TAF1A: variants seen among roughly 807,000 people sequenced by gnomAD.
TAF1A encodes TATA-box binding protein associated factor, RNA polymerase I subunit A, also known as TATA box-binding protein-associated factor RNA polymerase I subunit A.
Under a neutral mutation model 61.6 loss-of-function variants are expected in TAF1A, and 42 were observed. That is an observed-to-expected ratio of 0.68 (90% CI 0.53 to 0.88). TAF1A has a LOEUF of 0.88. TAF1A is among the 40% of genes least tolerant of loss of function. The pLI is 0.00. For synonymous variants in TAF1A, 179 were observed against 177.7 expected (o/e 1.01, Z -0.06); for missense variants, 424 against 518.7 (o/e 0.82, Z 1.77).
chr1:222,566,403 T>G (rs2102644705), intron 7 of TAF1A, among the ~76,000 whole-genome samples: 1 of 152,348 alleles, frequency 6.6e-6, no homozygotes, highest in East Asian at 1.9e-4. Context: ...GCATTATTTA[T>G]GCACTTTACA....
chr1:222,569,089 G>T, intron 7 of TAF1A: 1 of 263,470 alleles, frequency 3.8e-6, no homozygotes, highest in Non-Finnish European at 6.8e-6. Flanking sequence ...TGTGGGGACA[G>T]ACAGGCTGCA....
chr1:222,578,784 A>G (rs890064988), intron 4 of TAF1A, among the ~76,000 whole-genome samples: 2 of 152,146 alleles, frequency 1.3e-5, no homozygotes, highest in Non-Finnish European at 2.9e-5. Context: ...ATCTTCCTCT[A>G]CTATAAGAAC....
At chr1:222,569,754 G>T in intron 6 of TAF1A, 86 bp from the exon 7 acceptor site, 1 of 1,250,078 alleles carries the variant, frequency 8.0e-7, no homozygotes. Flanking sequence ...TTACTGATGG[G>T]TATTTTTTAA....
chr1:222,584,370 A>T lies in TAF1A; in HGVS notation c.122-73T>A. ...CAACTATTCAAAAAACTTACTTCTG[A>T]TAAGAAGTTTTAACAAGTAAACAGT... On this transcript the variant is annotated intron_variant, in intron 2 of 10. Transcript: ENST00000352967. 8 of 1,442,958 alleles carry T rather than the reference A, an allele frequency of 5.5e-6. 1 individual carries two copies. The South Asian group carries it at 1.1e-4, about 20-fold the overall frequency. The allele number at this position is 1,442,958 out of a possible 1,614,324, so 89.4% of individuals were successfully genotyped here.
chr1:222,579,356 T>C (rs775914149), intron 4 of TAF1A, among the ~76,000 whole-genome samples: 1 of 152,192 alleles, frequency 6.6e-6, no homozygotes, highest in Non-Finnish European at 1.5e-5. Flanking sequence ...GAGGTGAAGA[T>C]TCCACCTAAA....
chr1:222,571,607 T>C (rs1660354821), intron 5 of TAF1A, among the ~76,000 whole-genome samples: 1 of 151,628 alleles, frequency 6.6e-6, no homozygotes, highest in African/African-American at 2.4e-5. Flanking sequence ...GAAGATAAAA[T>C]TAGGAAAACA....
chr1:222,568,011 T>C (rs978351647), intron 7 of TAF1A, among the ~76,000 whole-genome samples: 2 of 152,106 alleles, frequency 1.3e-5, no homozygotes. Flanking sequence ...TACAGCCTAC[T>C]GGTTTTCAAC....
rs201206802 is a variant in TAF1A at position 222,564,110 on chromosome 1, C to T, written c.910G>A (p.Val304Ile). ...TCCAACATCAATTTATGAGATGGTA[C>T]AATCTGATACAAAATCTGAAAGAAA... ...ISVLKILYQIVPSHKLMLEFH... is the reference protein window; with the variant it reads ...ISVLKILYQIIPSHKLMLEFH... Residue 304 changes from valine to isoleucine, a missense_variant, in exon 8 of 11, where the codon GTA becomes ATA. Coordinates refer to ENST00000352967, the MANE Select transcript of TAF1A (RefSeq NM_005681.4). The T allele has an allele frequency of 6.3e-5, 98 of 1,552,166 alleles. No individual in the cohort carries two copies. The highest frequency in any genetic ancestry group is 1.7e-4 in the Middle Eastern group (1 of 5,898).
chr1:222,557,680 C>T (rs985099175), downstream of TAF1A, among the ~76,000 whole-genome samples: 7 of 151,830 alleles, frequency 4.6e-5, no homozygotes, highest in African/African-American at 1.7e-4. Context: ...TGGTCTCAAT[C>T]TCTTGACCTC....
intron 5 of TAF1A, among the ~76,000 whole-genome samples, chr1:222,572,805 A>G (rs1028565226): frequency 2.0e-5 from 3 of 152,254 alleles, no homozygotes; most frequent in South Asian, 2.1e-4. Context: ...AGGCCAAAAT[A>G]TAAGAGCTAA....
chr1:222,568,149 T>C (rs1320482105), intron 7 of TAF1A, among the ~76,000 whole-genome samples: 2 of 136,568 alleles, frequency 1.5e-5, no homozygotes, highest in African/African-American at 2.8e-5. Context: ...AAATCTACCA[T>C]GACCTAAACA....
rs1354667993 is a variant in TAF1A, at chr1:222,577,633, T to C, written c.416A>G (p.Gln139Arg). 4 of 1,613,662 alleles carry C rather than the reference T, an allele frequency of 2.5e-6. No homozygotes were observed. The highest frequency in any genetic ancestry group is 3.4e-6 in the Non-Finnish European group (4 of 1,179,812). Reference sequence around the variant, plus strand: ...ATGATGCAGAAGGTATAATGCATGTTGTAAGGAGATCTGCAAAAATAATAA... The same window carrying C: ...ATGATGCAGAAGGTATAATGCATGTCGTAAGGAGATCTGCAAAAATAATAA... ...GVMNYLKISL[Q>R]HALYLLHHGM... is the part of the protein sequence containing the mutation. Residue 139 changes from glutamine (Q) to arginine (R), a missense_variant, in exon 5 of 11, where the codon CAA becomes CGA. By Grantham distance (43) the Gln-to-Arg change is conservative. Transcript: ENST00000352967.
At chr1:222,569,256 A>G in intron 7 of TAF1A, 1 of 1,319,442 alleles carries the variant, frequency 7.6e-7, no homozygotes, top group Non-Finnish European at 9.7e-7. Flanking sequence ...AAAAAATATC[A>G]GTGCAGAGTA....
chr1:222,576,934 T>C (rs922308042), intron 5 of TAF1A, among the ~76,000 whole-genome samples: 2 of 152,208 alleles, frequency 1.3e-5, no homozygotes, highest in African/African-American at 4.8e-5. Flanking sequence ...TACTTGAACA[T>C]AGTTTCTAGA....
rs780332748 is a variant in TAF1A, at chr1:222,569,510, C to T, written c.894G>A (p.Lys298=). The change falls in exon 7 of 11, where the codon AAG becomes AAA. Residue 298 remains lysine (K), a splice_region_variant and synonymous_variant. Transcript: ENST00000352967. ...APRSKLISVL[K]ILYQIVPSHK... is the part of the protein sequence containing the mutation. ...AAACATCGAGATAAAAATTCTATAC[C>T]TTAAGCACACTTATCAATTTTGATC... 6.2e-7 allele frequency: 1 copy of T among 1,613,716 alleles called. No homozygotes were observed. Among genetic ancestry groups the T allele is most frequent in the Non-Finnish European group, 8.5e-7 (1 of 1,179,862 alleles).
intron 4 of TAF1A, among the ~76,000 whole-genome samples, chr1:222,579,160 A>C (rs1447584828): frequency 6.6e-6 from 1 of 152,242 alleles, no homozygotes; most frequent in East Asian, 1.9e-4. Flanking sequence ...GGTCTACCAG[A>C]GAACAAAATC....
chr1:222,562,809 G>A (rs1220160942), intron 9 of TAF1A, among the ~76,000 whole-genome samples: 2 of 152,110 alleles, frequency 1.3e-5, no homozygotes, highest in African/African-American at 2.4e-5. Context: ...ACAGGTAGGA[G>A]GAAAGCTGCT....
intron 5 of TAF1A, among the ~76,000 whole-genome samples, chr1:222,574,223 T>C (rs1660477174): frequency 6.6e-6 from 1 of 152,160 alleles, no homozygotes; most frequent in Non-Finnish European, 1.5e-5. Flanking sequence ...CTGAGTTGTA[T>C]ATTTTAAGTG....
At chr1:222,571,983 G>A (rs1004471608) in intron 5 of TAF1A, among the ~76,000 whole-genome samples, 12 of 152,274 alleles carry the variant, frequency 7.9e-5, no homozygotes, top group South Asian at 2.1e-4. Flanking sequence ...TTGGGAGGCC[G>A]ATGTGGGTGG....
Sources: gnomAD v4.1 joint callset for allele counts (sites outside exome capture counted in the v4.1 genomes callset) on GRCh38, gnomAD v4.1.1 for gene constraint, MANE v1.5 for transcripts, NCBI Gene and HGNC (gene_info 2026-07-23, HGNC 2026-07-21) for gene names.